The following MCOLN1 variants were observed in gnomAD, a reference collection of about 807,000 sequenced individuals.
MCOLN1 encodes the protein mucolipin-1.
Under a neutral mutation model 70.3 loss-of-function variants are expected in MCOLN1, and 50 were observed. The observed-to-expected ratio is 0.71, with a 90% CI of 0.57 to 0.90. The LOEUF (loss-of-function observed/expected upper bound fraction) is 0.90, where lower values mean the gene tolerates loss of function less well. Ranked by LOEUF, MCOLN1 falls within the 40% of genes least tolerant of loss-of-function variation. The pLI, the probability that MCOLN1 is intolerant of heterozygous loss-of-function variation, is 0.00. For missense variants in MCOLN1, 598 were observed against 803.5 expected, an observed-to-expected ratio of 0.74 and a Z score of 3.09; for synonymous variants, 366 against 341.0, an observed-to-expected ratio of 1.07 and a Z score of -0.81.
rs780085697 is a variant in MCOLN1 at position 7,529,083 on chromosome 19, C to T, written c.1135-18C>T. On this transcript the variant is annotated intron_variant, in intron 9 of 13. Transcript: ENST00000264079. ...GGAAGGGCTGGGCCAGATAGGTTGACGCAGCTCCCACCCGCAGAACTTGGC... is the reference window on the plus strand; with the variant it reads ...GGAAGGGCTGGGCCAGATAGGTTGATGCAGCTCCCACCCGCAGAACTTGGC... 2.9e-5 allele frequency: 46 copies of T among 1,613,584 alleles called. No homozygotes were observed. The highest frequency in any genetic ancestry group is 6.7e-5 in the Admixed American group (4 of 60,002).
At position 7,533,829 on chromosome 19, in the gene MCOLN1, G is replaced by A. The variant is rs770347734; in HGVS notation, c.*34G>A. The A allele has an allele frequency of 1.2e-6, 2 of 1,613,050 alleles. No individual in the cohort carries two copies. Among genetic ancestry groups the A allele is most frequent in the Non-Finnish European group, 8.5e-7 (1 of 1,179,116 alleles). ...GACTGCCGTTGGACCGTAGGCCCTG[G>A]ACTGCAGAGACCCCCGCCCCCGACC... On this transcript the variant is annotated 3_prime_UTR_variant, in exon 14 of 14. Transcript: ENST00000264079.
At position 7,528,875 on chromosome 19, in the gene MCOLN1, C is replaced by T. The variant is rs761058436; in HGVS notation, c.1039C>T (p.Arg347Trp). ...QRGRVISLWE[R>W]LEFVNGWYIL... ...GGGACGGGTCATCAGCCTGTGGGAG[C>T]GGCTGGAATTTGTCAATGGCTGGTA... The change falls in exon 9 of 14, where the codon CGG becomes TGG. Residue 347 changes from arginine to tryptophan, a missense_variant. By Grantham distance (101) the Arg-to-Trp change is moderately radical. Coordinates refer to ENST00000264079, the MANE Select transcript of MCOLN1 (RefSeq NM_020533.3). The surrounding 1 kb of genome is among the most constrained non-coding windows in gnomAD (Gnocchi z 4.2). 8.1e-6 allele frequency: 13 copies of T among 1,614,032 alleles called. No individual in the cohort carries two copies. The highest frequency in any genetic ancestry group is 5.5e-5 in the South Asian group (5 of 91,084).
intron 1 of MCOLN1, among the ~76,000 whole-genome samples, chr19:7,523,295 T>C (rs1476424190): frequency 6.6e-6 from 1 of 152,248 alleles, no homozygotes. Context: ...TTCGGGCTTC[T>C]AGCCAATTCT....
intron 9 of MCOLN1, 52 bp downstream of exon 9, chr19:7,529,022 C>A (rs1568399625): frequency 6.2e-7 from 1 of 1,613,856 alleles, no homozygotes; most frequent in East Asian, 2.2e-5. Flanking sequence ...CTGTCAGTGC[C>A]TATCCGGGGC....
At chr19:7,531,493 AC>A (rs1377223063) in intron 12 of MCOLN1, among the ~76,000 whole-genome samples, 3 of 151,874 alleles carry the variant, frequency 2.0e-5, no homozygotes, top group African/African-American at 7.2e-5. Context: ...GAGCCACTGA[AC>A]CCAGCTAAGT....
At chr19:7,529,350 C>T (rs891223507) in intron 10 of MCOLN1, 148 bp downstream of exon 10, 1 of 925,978 alleles carries the variant, frequency 1.1e-6, no homozygotes, top group African/African-American at 1.6e-5. Flanking sequence ...ATATCTGTCA[C>T]TGCACCTGCG....
At chr19:7,529,340 A>T (rs1007633130) in intron 10 of MCOLN1, 138 bp downstream of exon 10, 1 of 931,674 alleles carries the variant, frequency 1.1e-6, no homozygotes, top group African/African-American at 1.6e-5. Flanking sequence ...CACACCAGAT[A>T]TATCTGTCAC....
chr19:7,527,314 G>A (rs2022586724), intron 4 of MCOLN1: 1 of 565,486 alleles, frequency 1.8e-6, no homozygotes, highest in African/African-American at 1.9e-5. Flanking sequence ...CTTAGTGTGA[G>A]TGTGACTCTT....
Position 7,526,692 on chromosome 19 carries a change from G to T in MCOLN1, c.406-69G>T. 1 of 1,603,176 alleles carries T rather than the reference G, an allele frequency of 6.2e-7. No homozygotes were observed. ...TTGGGCGGGCAGGTGCTGGTGGGCG[G>T]GCAGGTGCAGGTGGGTGGGCTGCAG... On this transcript the variant is annotated intron_variant, in intron 3 of 13. Transcript: ENST00000264079. The surrounding 1 kb of genome is among the most constrained non-coding windows in gnomAD (Gnocchi z 4.6).
intron 4 of MCOLN1, chr19:7,527,243 C>T (rs1383338715): frequency 1.8e-6 from 1 of 564,306 alleles, no homozygotes; most frequent in African/African-American, 2.0e-5. Context: ...CTGCACTCCA[C>T]CCTGGGTGAC....
Position 7,522,801 on chromosome 19 carries a change from C to T in MCOLN1, c.31+20C>T, listed in dbSNP as rs2022513510. 1 of 1,324,664 alleles carries T rather than the reference C, an allele frequency of 7.5e-7. No individual in the cohort carries two copies. Among genetic ancestry groups the T allele is most frequent in the Non-Finnish European group, 9.6e-7 (1 of 1,041,826 alleles). The allele number at this position is 1,324,664 out of a possible 1,614,324, so 82.1% of individuals were successfully genotyped here. On this transcript the variant is annotated intron_variant, in intron 1 of 13. Transcript: ENST00000264079. ...GCTCAGGTGAGGGCGCGGGCGGCAC[C>T]GTGGGGCCCCGAACTCAGGCGGGCG...
chr19:7,529,061 A>C, intron 9 of MCOLN1, 40 bp from the exon 10 acceptor site: 1 of 1,613,060 alleles, frequency 6.2e-7, no homozygotes, highest in South Asian at 1.1e-5. Flanking sequence ...CCCCAAAGGA[A>C]GGGCTGGGCC....
At position 7,529,617 on chromosome 19, in the gene MCOLN1, C is replaced by G; in HGVS notation, c.1264C>G (p.Leu422Val). Residue 422 changes from leucine (L) to valine (V), a missense_variant, in exon 11 of 14, where the codon CTG (leucine) becomes GTG (valine). Physicochemically the swap from Leu to Val is conservative, Grantham distance 32. Coordinates refer to ENST00000264079, the MANE Select transcript of MCOLN1 (RefSeq NM_020533.3). ...CCTCATCGCCACACTGCGGGTGGCCCTGCCCAGCGTCATGCGCTTCTGCTG... is the reference window on the plus strand; with the variant it reads ...CCTCATCGCCACACTGCGGGTGGCCGTGCCCAGCGTCATGCGCTTCTGCTG... Reference protein sequence around the residue: ...NILIATLRVALPSVMRFCCCV... With the variant: ...NILIATLRVAVPSVMRFCCCV... The G allele has an allele frequency of 6.2e-7, 1 of 1,614,114 alleles. No homozygotes were observed. Among genetic ancestry groups the G allele is most frequent in the Non-Finnish European group, 8.5e-7 (1 of 1,179,974 alleles).
rs1599252077 is a variant in MCOLN1, at chr19:7,524,819, G to A, written c.32-142G>A. 1 of 711,934 alleles carries A rather than the reference G, an allele frequency of 1.4e-6. No homozygotes were observed. Among genetic ancestry groups the A allele is most frequent in the East Asian group, 2.7e-5 (1 of 36,968 alleles). 44.1% of individuals were successfully genotyped at this position (711,934 alleles called of 1,614,324 possible). A position where few individuals can be genotyped will look rare whatever the true frequency, so the allele number is the denominator to read the frequency against. On this transcript the variant is annotated intron_variant, in intron 1 of 13. Transcript: ENST00000264079. The surrounding 1 kb of genome is among the most constrained non-coding windows in gnomAD (Gnocchi z 4.1). ...TACCTACAATGTCACAGGTTTTCTG[G>A]TTTTCTTTAGACCTCTCAGAGCTCT...
rs2022510219 is a variant in MCOLN1, at chr19:7,522,662, C to G, written c.-89C>G. The G allele has an allele frequency of 5.2e-6, 7 of 1,340,220 alleles. No homozygotes were observed. The highest frequency in any genetic ancestry group is 6.9e-6 in the Non-Finnish European group (7 of 1,016,896). 83.0% of individuals were successfully genotyped at this position (1,340,220 alleles called of 1,614,324 possible). On this transcript the variant is annotated 5_prime_UTR_variant, in exon 1 of 14. Coordinates refer to ENST00000264079, the MANE Select transcript of MCOLN1 (RefSeq NM_020533.3). Reference sequence around the variant, plus strand: ...TGCCGGAGGGTTTGAAGCCGCGCCGCGAGGGAGCGAGGTCGCAGTGACAGC... The same window carrying G: ...TGCCGGAGGGTTTGAAGCCGCGCCGGGAGGGAGCGAGGTCGCAGTGACAGC...
chr19:7,527,113 C>A (rs1179472145), intron 4 of MCOLN1, 187 bp downstream of exon 4: 5 of 731,194 alleles, frequency 6.8e-6, no homozygotes, highest in Non-Finnish European at 1.2e-5. Flanking sequence ...TGTCTCTACG[C>A]ACAAACAAAT....
rs750848258 is a variant in MCOLN1 at position 7,529,718 on chromosome 19, T to A, written c.1359+6T>A. ...TGGGGCCCTATCATGTGAAGGTACA[T>A]CTAACCCCTGATGTCCCTGACATTG... On this transcript the variant is annotated splice_donor_region_variant and intron_variant, in intron 11 of 13. Transcript: ENST00000264079. The A allele has an allele frequency of 1.9e-6, 3 of 1,613,838 alleles. No individual in the cohort carries two copies. In the South Asian group the frequency reaches 3.3e-5, roughly 18 times the overall value.
Position 7,525,468 on chromosome 19 carries a change from G to C in MCOLN1, c.237+302G>C, listed in dbSNP as rs2022555614. On this transcript the variant is annotated intron_variant, in intron 2 of 13. Coordinates refer to ENST00000264079, the MANE Select transcript of MCOLN1 (RefSeq NM_020533.3). This position sits in a 1 kb window ranked among gnomAD's most constrained non-coding sequence, Gnocchi z 4.2. ...AAATCATGCCACTGCACTCCAGCCT[G>C]GGCAACAGAGCAAGACTGTCTCAAA... 2.6e-6 allele frequency: 1 copy of C among 377,898 alleles called. No homozygotes were observed. The highest frequency in any genetic ancestry group is 5.1e-6 in the Non-Finnish European group (1 of 197,110). The allele number at this position is 377,898 out of a possible 1,614,324, so 23.4% of individuals were successfully genotyped here. A position where few individuals can be genotyped will look rare whatever the true frequency, so the allele number is the denominator to read the frequency against.
rs201191556 is a variant in MCOLN1, at chr19:7,530,531, G to A, written c.1575+30G>A. ...GCCGCATGCACCCAGCCCTGAGCTC[G>A]GGCTCTGGGTGCCCTGGAGTCTGCC... is the stretch of plus-strand genomic sequence containing the variant. On this transcript the variant is annotated intron_variant, in intron 12 of 13. Coordinates refer to ENST00000264079, the MANE Select transcript of MCOLN1 (RefSeq NM_020533.3). 62 of 1,592,524 alleles carry A rather than the reference G, an allele frequency of 3.9e-5. No individual in the cohort carries two copies. The East Asian group carries it at 1.2e-3, about 32-fold the overall frequency.
Sources: gnomAD v4.1 joint callset for allele counts (sites outside exome capture counted in the v4.1 genomes callset) on GRCh38, gnomAD v4.1.1 for gene constraint, Gnocchi (gnomAD v3.1) non-coding constraint, MANE v1.5 for transcripts, NCBI Gene and HGNC (gene_info 2026-07-23, HGNC 2026-07-21) for gene names.